Variants in PDE1C observed in about 807,000 individuals in gnomAD.
The protein encoded by PDE1C is dual specificity calcium/calmodulin-dependent 3',5'-cyclic nucleotide phosphodiesterase 1C.
In PDE1C, 62 loss-of-function variants were observed where a neutral mutation model predicts 93.1. The ratio of observed to expected loss-of-function variants is 0.67; its 90% confidence interval spans 0.54 to 0.82. PDE1C has a LOEUF of 0.82. Among genes scored for constraint, PDE1C ranks in the 40% least tolerant of loss-of-function variants. PDE1C has a pLI of 0.00. For synonymous variants in PDE1C, 325 were observed against 310.1 expected, an observed-to-expected ratio of 1.05 and a Z score of -0.50; for missense variants, 742 against 884.6, an observed-to-expected ratio of 0.84 and a Z score of 2.04.
the PDE1C span, among the ~76,000 whole-genome samples, chr7:31,620,842 G>A: frequency 1.8e-4 from 28 of 152,232 alleles, 1 homozygote; most frequent in East Asian, 5.4e-3. Flanking sequence ...CAAAGGCAAA[G>A]AAGTTAAAAA....
chr7:32,139,770 G>A (rs922435080), intron 3 of PDE1C, among the ~76,000 whole-genome samples: 8 of 152,158 alleles, frequency 5.3e-5, no homozygotes, highest in Non-Finnish European at 1.2e-4. Flanking sequence ...AAGGATGTGG[G>A]TAGGGTTATT....
chr7:32,206,714 C>G (rs957003393), intron 2 of PDE1C, among the ~76,000 whole-genome samples: 4 of 152,236 alleles, frequency 2.6e-5, no homozygotes, highest in Admixed American at 1.3e-4. Flanking sequence ...ATGAGGTATT[C>G]TTCTAGCTCA....
intron 1 of PDE1C, among the ~76,000 whole-genome samples, chr7:32,267,042 A>C (rs1031797745): frequency 1.1e-4 from 16 of 152,224 alleles, no homozygotes; most frequent in African/African-American, 3.9e-4. Context: ...AGAGGAGTTC[A>C]GAGTGTCCCA....
Position 31,823,117 on chromosome 7 carries a change from A to C in PDE1C, c.1538T>G (p.Val513Gly), listed in dbSNP as rs1238882889. The stretch of plus-strand genomic sequence containing the variant: ...CCATCTCTCCCGATTGATGTGCACC[A>C]CTTCCGTCCAAGTAGCTTTAAAGCT... ...YKSFKATWTE[V>G]VHINRERWRA... Residue 513 changes from valine to glycine, a missense_variant, in exon 14 of 18, where the codon GTG becomes GGG. Val to Gly is a moderately radical substitution (Grantham distance 109). Transcript: ENST00000396191. 2.5e-6 allele frequency: 4 copies of C among 1,613,098 alleles called. No individual in the cohort carries two copies. Among genetic ancestry groups the C allele is most frequent in the African/African-American group, 1.3e-5 (1 of 74,858 alleles).
At chr7:31,923,212 G>A (rs1802854882) in intron 2 of PDE1C, among the ~76,000 whole-genome samples, 1 of 152,140 alleles carries the variant, frequency 6.6e-6, no homozygotes, top group African/African-American at 2.4e-5. Flanking sequence ...CTGCTCTTCT[G>A]ATTTTGGACT....
chr7:32,413,029 G>T (rs1401379690), intron 1 of PDE1C, among the ~76,000 whole-genome samples: 1 of 152,080 alleles, frequency 6.6e-6, no homozygotes, highest in East Asian at 1.9e-4. Context: ...TAGGGGTTTG[G>T]GTTACACAAG....
At chr7:32,267,783 G>A (rs984410056) in intron 1 of PDE1C, among the ~76,000 whole-genome samples, 20 of 152,130 alleles carry the variant, frequency 1.3e-4, no homozygotes, top group Non-Finnish European at 1.8e-4. Flanking sequence ...TCTCTGTCCA[G>A]CCAAGGCCAT....
chr7:32,094,938 C>G (rs1267456516), intron 3 of PDE1C, among the ~76,000 whole-genome samples: 1 of 152,182 alleles, frequency 6.6e-6, no homozygotes, highest in African/African-American at 2.4e-5. Context: ...CAGCTCTGGC[C>G]TCTAGCTATA....
At chr7:31,620,837 G>T in the PDE1C span, among the ~76,000 whole-genome samples, 2 of 152,060 alleles carry the variant, frequency 1.3e-5, no homozygotes, top group African/African-American at 4.8e-5. Context: ...CAAACCAAAG[G>T]CAAAGAAGTT....
At chr7:31,713,560 G>A in the PDE1C span, among the ~76,000 whole-genome samples, 1 of 152,188 alleles carries the variant, frequency 6.6e-6, no homozygotes, top group Non-Finnish European at 1.5e-5. Context: ...ACACCAGTAG[G>A]GACACTGTGT....
At chr7:32,078,987 ATCTG>A (rs1366866981) in intron 3 of PDE1C, among the ~76,000 whole-genome samples, 1 of 152,170 alleles carries the variant, frequency 6.6e-6, no homozygotes, top group Non-Finnish European at 1.5e-5. Context: ...AAGCATTAAA[ATCTG>A]TTGAGCAGGT....
At chr7:31,676,099 C>T in the PDE1C span, among the ~76,000 whole-genome samples, 1 of 152,182 alleles carries the variant, frequency 6.6e-6, no homozygotes, top group East Asian at 1.9e-4. Flanking sequence ...AGATGCTCCG[C>T]ATGACGGTGG....
At chr7:31,773,792 A>G (rs1166916018) in intron 17 of PDE1C, among the ~76,000 whole-genome samples, 1 of 152,206 alleles carries the variant, frequency 6.6e-6, no homozygotes, top group Non-Finnish European at 1.5e-5. Flanking sequence ...TCACCTTGGC[A>G]GCACTGGGGG....
chr7:31,869,083 C>A (rs1470419628), intron 6 of PDE1C, among the ~76,000 whole-genome samples: 1 of 151,942 alleles, frequency 6.6e-6, no homozygotes, highest in Non-Finnish European at 1.5e-5. Context: ...CATCTACCAT[C>A]ATGAAAATGC....
intron 3 of PDE1C, among the ~76,000 whole-genome samples, chr7:32,124,389 T>C (rs1799457032): frequency 6.6e-6 from 1 of 152,130 alleles, no homozygotes; most frequent in Non-Finnish European, 1.5e-5. Flanking sequence ...AGACCCCACA[T>C]AGCCAAGACA....
At chr7:32,385,683 CAG>C (rs1311005413) in intron 1 of PDE1C, among the ~76,000 whole-genome samples, 1 of 152,154 alleles carries the variant, frequency 6.6e-6, no homozygotes. Flanking sequence ...CAATGTCTGG[CAG>C]AGAGTGGAGG....
the PDE1C span, chr7:31,651,320 G>A: frequency 3.1e-6 from 5 of 1,591,574 alleles, no homozygotes; most frequent in Admixed American, 1.7e-5. Context: ...CACACCTGGA[G>A]CAAGGAAGAT....
chr7:31,917,606 T>TG lies in PDE1C; in HGVS notation c.129-36747dup, dbSNP rs550708919. Among the ~76,000 whole-genome samples, 180 of 151,252 alleles carry TG rather than the reference T, an allele frequency of 1.2e-3. 1 individual carries two copies. The highest frequency in any genetic ancestry group is 4.3e-3 in the African/African-American group (177 of 41,252). On this transcript the variant is annotated intron_variant, in intron 2 of 17. Transcript: ENST00000396191. ...ATTGCTTTTTCTTATAGCAACTGAA[T>TG]GAAAAAAAAAACTGAACTAACAAGA...
At chr7:32,327,887 C>T (rs901953252) in intron 1 of PDE1C, among the ~76,000 whole-genome samples, 7 of 151,680 alleles carry the variant, frequency 4.6e-5, no homozygotes, top group African/African-American at 7.3e-5. Flanking sequence ...AGACATAGTT[C>T]CGTTTTTCTC....
Sources: gnomAD v4.1 joint callset for allele counts (sites outside exome capture counted in the v4.1 genomes callset) on GRCh38, gnomAD v4.1.1 for gene constraint, MANE v1.5 for transcripts, NCBI Gene and HGNC (gene_info 2026-07-23, HGNC 2026-07-21) for gene names.